The following DCAF6 variants were observed in gnomAD, a reference collection of about 807,000 sequenced individuals.
DCAF6 encodes the protein DDB1 and CUL4 associated factor 6.
DCAF6 carries 54 observed loss-of-function variants against 125.1 expected under a neutral mutation model. The ratio of observed to expected loss-of-function variants is 0.43; its 90% CI spans 0.35 to 0.54. DCAF6 has a LOEUF of 0.54. Ranked by LOEUF, DCAF6 falls within the 20% of genes least tolerant of loss-of-function variation. The pLI, the probability that DCAF6 is intolerant of heterozygous loss-of-function variation, is 0.01. For synonymous variants in DCAF6, 371 were observed against 390.4 expected, an observed-to-expected ratio of 0.95 and a Z score of 0.58; for missense variants, 934 against 1,161.7, an observed-to-expected ratio of 0.80 and a Z score of 2.85.
intron 17 of DCAF6, among the ~76,000 whole-genome samples, chr1:168,053,096 C>T (rs1388770922): frequency 8.5e-5 from 13 of 152,156 alleles, no homozygotes; most frequent in Admixed American, 8.5e-4. Flanking sequence ...GAAAAGACCT[C>T]CTATCACTAT....
At chr1:168,016,129 A>G (rs1684946992) in intron 11 of DCAF6, among the ~76,000 whole-genome samples, 178 bp downstream of exon 11, 1 of 152,238 alleles carries the variant, frequency 6.6e-6, no homozygotes, top group Non-Finnish European at 1.5e-5. Flanking sequence ...ACAGATTGGC[A>G]GCAGCATCTG....
the DCAF6 span, among the ~76,000 whole-genome samples, chr1:167,916,173 G>T: frequency 2.0e-5 from 3 of 152,212 alleles, no homozygotes; most frequent in South Asian, 4.1e-4. Flanking sequence ...TAGGCTATGT[G>T]TTCCAAGTGG....
At chr1:168,045,582 A>G (rs1312656376) in intron 16 of DCAF6, among the ~76,000 whole-genome samples, 1 of 152,132 alleles carries the variant, frequency 6.6e-6, no homozygotes, top group East Asian at 1.9e-4. Context: ...CCAGGCCTTT[A>G]TCAGTGTTGT....
intron 7 of DCAF6, among the ~76,000 whole-genome samples, chr1:167,998,314 C>CCT (rs1682059694): frequency 6.6e-6 from 1 of 152,080 alleles, no homozygotes; most frequent in African/African-American, 2.4e-5. Context: ...ATCATCTGAA[C>CCT]CTCAGTAAGT....
At chr1:167,959,609 G>A (rs143357975) in intron 2 of DCAF6, among the ~76,000 whole-genome samples, 77 of 152,242 alleles carry the variant, frequency 5.1e-4, no homozygotes, top group African/African-American at 1.8e-3. Context: ...TAGATATGTA[G>A]TACATTTCCC....
chr1:168,023,363 A>G (rs1481690194), intron 12 of DCAF6: 2 of 413,892 alleles, frequency 4.8e-6, no homozygotes, highest in Non-Finnish European at 8.8e-6. Context: ...AATTGTGTAG[A>G]ACTGTGGGTG....
At chr1:167,880,938 G>A in the DCAF6 span, among the ~76,000 whole-genome samples, 1 of 152,122 alleles carries the variant, frequency 6.6e-6, no homozygotes, top group Non-Finnish European at 1.5e-5. Flanking sequence ...CAGCAGCACA[G>A]AGCAGTGGAA....
rs569971881 is a variant in DCAF6 at position 167,953,723 on chromosome 1, C to T, written c.159+1862C>T. Reference sequence around the variant, plus strand: ...CAAGCAGTTCTCCGCTGCAGCCTCCCGAGTAGCTGGGATTACAGGCACCCA... The same window carrying T: ...CAAGCAGTTCTCCGCTGCAGCCTCCTGAGTAGCTGGGATTACAGGCACCCA... On this transcript the variant is annotated intron_variant, in intron 2 of 21. Transcript: ENST00000367840. Among the ~76,000 whole-genome samples, 31 of 152,162 alleles carry T rather than the reference C, an allele frequency of 2.0e-4. No individual in the cohort carries two copies. In the South Asian group the frequency reaches 5.8e-3, roughly 29 times the overall value.
At position 168,068,458 on chromosome 1, in the gene DCAF6, G is replaced by T; in HGVS notation, c.2786G>T (p.Arg929Leu). 6.7e-7 allele frequency: 1 copy of T among 1,489,136 alleles called. No individual in the cohort carries two copies. The highest frequency in any genetic ancestry group is 1.4e-5 in the South Asian group (1 of 71,102). The allele number at this position is 1,489,136 out of a possible 1,614,324, so 92.2% of individuals were successfully genotyped here. The part of the protein sequence containing the change: ...LRMLASLNHI[R>L]ADRLEGDRSE... ...ATGTTGGCTTCACTTAATCATATCC[G>T]AGCTGGTAGGAACTTTAAGTATACT... Residue 929 changes from arginine (R) to leucine (L), a missense_variant, in exon 21 of 22, where the codon CGA (arginine) becomes CTA (leucine). Physicochemically the swap from Arg to Leu is moderately radical, Grantham distance 102. Transcript: ENST00000367840.
At chr1:167,996,502 A>G (rs1054000053) in intron 7 of DCAF6, among the ~76,000 whole-genome samples, 1 of 152,132 alleles carries the variant, frequency 6.6e-6, no homozygotes, top group Admixed American at 6.6e-5. Flanking sequence ...TGATTTTGCT[A>G]GCTTTCTAAC....
intron 4 of DCAF6, among the ~76,000 whole-genome samples, chr1:167,986,679 A>G (rs921715264): frequency 6.6e-6 from 1 of 152,174 alleles, no homozygotes; most frequent in African/African-American, 2.4e-5. Context: ...GTGAGAATCT[A>G]ATGCCATTGC....
chr1:168,014,455 T>C (rs1405104841), intron 10 of DCAF6, among the ~76,000 whole-genome samples: 1 of 152,238 alleles, frequency 6.6e-6, no homozygotes, highest in Non-Finnish European at 1.5e-5. Flanking sequence ...AAGATTCAGT[T>C]CTTAGACCTC....
At chr1:167,895,674 G>T in the DCAF6 span, among the ~76,000 whole-genome samples, 1 of 152,202 alleles carries the variant, frequency 6.6e-6, no homozygotes, top group Non-Finnish European at 1.5e-5. Flanking sequence ...CAGGACAAAA[G>T]ACTGAAGCGA....
At chr1:167,951,753 C>T (rs1673984134) in intron 1 of DCAF6, 47 bp from the exon 2 acceptor site, 4 of 1,229,450 alleles carry the variant, frequency 3.3e-6, no homozygotes, top group Non-Finnish European at 4.7e-6. Context: ...TTATATTTTT[C>T]TCAGTATTTG....
the DCAF6 span, among the ~76,000 whole-genome samples, chr1:167,902,351 C>T: frequency 2.0e-5 from 3 of 152,084 alleles, no homozygotes; most frequent in African/African-American, 4.8e-5. Flanking sequence ...CCTCCTCCCA[C>T]GATAATGGAA....
chr1:168,033,470 C>T (rs968710671), intron 12 of DCAF6, among the ~76,000 whole-genome samples: 4 of 151,988 alleles, frequency 2.6e-5, no homozygotes, highest in Non-Finnish European at 5.9e-5. Flanking sequence ...CGCCCGCCAC[C>T]GCGCCCGGCT....
In DCAF6 at chr1:168,049,431, G is replaced by GTTGTT. The variant is rs749459860; in HGVS notation, c.2259-1459_2259-1458insGTTTT. On this transcript the variant is annotated intron_variant, in intron 16 of 21. Coordinates refer to ENST00000367840, the MANE Select transcript of DCAF6 (RefSeq NM_001198956.2). ...CTAATTTGTTGTTGTTGTTGTTGTT[G>GTTGTT]TTTTTTTTTTTTTTTTTTTTTAGAA... 3.0e-3 allele frequency among the ~76,000 whole-genome samples: 299 copies of GTTGTT among 101,192 alleles called. 2 individuals carry two copies. The highest frequency in any genetic ancestry group is 0.012 in the African/African-American group (287 of 24,254). 66.4% of individuals were successfully genotyped at this position (101,192 alleles called of 152,430 possible).
At chr1:167,926,648 C>A in the DCAF6 span, among the ~76,000 whole-genome samples, 2 of 152,160 alleles carry the variant, frequency 1.3e-5, no homozygotes, top group Admixed American at 1.3e-4. Flanking sequence ...CTGCTGCTGC[C>A]GTCTAGTGGG....
At chr1:167,931,093 A>T (rs570699388), upstream of DCAF6, among the ~76,000 whole-genome samples, 1 of 152,246 alleles carries the variant, frequency 6.6e-6, no homozygotes, top group East Asian at 1.9e-4. Flanking sequence ...CACCATGCCC[A>T]GCTAAATTTC....
Sources: allele counts gnomAD v4.1 joint callset (sites outside exome capture counted in the v4.1 genomes callset), GRCh38; gene constraint gnomAD v4.1.1; transcripts MANE v1.5; gene names NCBI Gene and HGNC (gene_info 2026-07-23, HGNC 2026-07-21).